The following PCDHGB2 variants were observed in gnomAD, a reference collection of about 807,000 sequenced individuals.
PCDHGB2 encodes protocadherin gamma subfamily B, 2.
In PCDHGB2, 55 loss-of-function variants were observed where a neutral mutation model predicts 59.3. That is an observed-to-expected ratio of 0.93 (90% CI 0.75 to 1.16). The LOEUF is 1.16. PCDHGB2 is among the 50% of genes most tolerant of loss of function. The pLI, the probability that PCDHGB2 is intolerant of heterozygous loss-of-function variation, is 0.00. For missense variants in PCDHGB2, 1,228 were observed against 1,198.5 expected (o/e 1.02, Z -0.36); for synonymous variants, 516 against 512.0 (o/e 1.01, Z -0.11).
chr5:141,393,137 C>T (rs777446564), intron 1 of PCDHGB2: 14 of 1,613,286 alleles, frequency 8.7e-6, no homozygotes, highest in South Asian at 2.2e-5. Context: ...ATATTAACAC[C>T]CTGGTTGAGG....
chr5:141,462,824 A>T (rs1561993844), intron 1 of PCDHGB2, among the ~76,000 whole-genome samples: 1 of 152,158 alleles, frequency 6.6e-6, no homozygotes, highest in Non-Finnish European at 1.5e-5. Flanking sequence ...TGGACAGCAG[A>T]CATTGTAAAT....
chr5:141,369,294 C>T (rs767666173), intron 1 of PCDHGB2, among the ~76,000 whole-genome samples: 37 of 152,084 alleles, frequency 2.4e-4, no homozygotes, highest in Non-Finnish European at 3.5e-4. Flanking sequence ...ATCCTAATAA[C>T]GCATCATTGT....
At position 141,487,116 on chromosome 5, in the gene PCDHGB2, A is replaced by G. The variant is rs749256818; in HGVS notation, c.2422-7691A>G. On this transcript the variant is annotated intron_variant, in intron 1 of 3. Transcript: ENST00000522605. This position sits in a 1 kb window ranked among gnomAD's most constrained non-coding sequence, Gnocchi z 5.0. ...CCACAGAAGCTGGTCATTGTGGTAA[A>G]GGATAGTGGTAGTCCACCACTCTCT... The G allele has an allele frequency of 3.1e-6, 5 of 1,614,022 alleles. No individual in the cohort carries two copies.
intron 1 of PCDHGB2, chr5:141,394,481 T>G (rs766569646): frequency 6.2e-7 from 1 of 1,614,206 alleles, no homozygotes; most frequent in African/African-American, 1.3e-5. Flanking sequence ...TGGACCAGAA[T>G]GACAACGCGC....
chr5:141,415,121 C>T (rs2095831464), intron 1 of PCDHGB2: 1 of 1,613,522 alleles, frequency 6.2e-7, no homozygotes, highest in South Asian at 1.1e-5. Context: ...CTCGTAGTGG[C>T]CGTCCAGGAC....
At chr5:141,437,426 C>G (rs531265278) in intron 1 of PCDHGB2, among the ~76,000 whole-genome samples, 2 of 152,150 alleles carry the variant, frequency 1.3e-5, no homozygotes, top group Non-Finnish European at 2.9e-5. Context: ...CTTTTTGAAG[C>G]AGCAATAGCA....
At chr5:141,371,443 C>T in intron 1 of PCDHGB2, 1 of 1,613,978 alleles carries the variant, frequency 6.2e-7, no homozygotes, top group Non-Finnish European at 8.5e-7. Flanking sequence ...ATAACCCTGG[C>T]TTCTGAATCC....
intron 1 of PCDHGB2, chr5:141,424,602 T>G (rs2154550827): frequency 6.6e-6 from 1 of 152,334 alleles, no homozygotes; most frequent in African/African-American, 2.4e-5. Flanking sequence ...GTCTACAGAT[T>G]TATTCAAATA....
At chr5:141,420,036 G>A (rs1370492350) in intron 1 of PCDHGB2, 1 of 1,614,078 alleles carries the variant, frequency 6.2e-7, no homozygotes. Flanking sequence ...GCAGGAGACT[G>A]CTTTGAGTCA....
At chr5:141,416,119 T>G (rs930613185) in intron 1 of PCDHGB2, 1 of 155,364 alleles carries the variant, frequency 6.4e-6, no homozygotes, top group Admixed American at 6.5e-5. Flanking sequence ...AACTACATTT[T>G]ATATATTTTT....
chr5:141,398,374 G>C (rs769693333), intron 1 of PCDHGB2: 3 of 1,438,680 alleles, frequency 2.1e-6, no homozygotes, highest in African/African-American at 1.4e-5. Flanking sequence ...AGAGAGCGGG[G>C]AGTTGCTTGT....
At chr5:141,380,632 T>C (rs546554559) in intron 1 of PCDHGB2, among the ~76,000 whole-genome samples, 5 of 152,324 alleles carry the variant, frequency 3.3e-5, no homozygotes, top group Non-Finnish European at 7.3e-5. Flanking sequence ...ACTTAGAAAA[T>C]GTGAATGCTA....
chr5:141,372,118 T>C (rs937548053), intron 1 of PCDHGB2: 3 of 1,613,628 alleles, frequency 1.9e-6, no homozygotes, highest in Non-Finnish European at 2.5e-6. Context: ...TCTGCGCTCT[T>C]CGATATGGTG....
intron 1 of PCDHGB2, chr5:141,419,170 C>G: frequency 6.2e-7 from 1 of 1,613,966 alleles, no homozygotes; most frequent in South Asian, 1.1e-5. Flanking sequence ...CCAGCAAAAC[C>G]ATAACCCTGC....
chr5:141,380,531 A>G (rs1197165586), intron 1 of PCDHGB2, among the ~76,000 whole-genome samples: 4 of 152,346 alleles, frequency 2.6e-5, no homozygotes, highest in African/African-American at 9.6e-5. Flanking sequence ...AATGATTTCA[A>G]TTTGATACAA....
Position 141,478,316 on chromosome 5 carries a change from C to T in PCDHGB2, c.2422-16491C>T, listed in dbSNP as rs776948755. ...CCTATACCGAGCCCCGGTGAGCTCA[C>T]TGTACCGAACACCAGGGCCCTCCTT... On this transcript the variant is annotated intron_variant, in intron 1 of 3. Coordinates refer to ENST00000522605, the MANE Select transcript of PCDHGB2 (RefSeq NM_018923.3). 120 of 1,613,924 alleles carry T rather than the reference C, an allele frequency of 7.4e-5. 2 individuals carry two copies. In the South Asian group the frequency reaches 1.3e-3, roughly 18 times the overall value.
chr5:141,402,369 A>C (rs1281295306), intron 1 of PCDHGB2, among the ~76,000 whole-genome samples: 1 of 152,066 alleles, frequency 6.6e-6, no homozygotes, highest in Non-Finnish European at 1.5e-5. Context: ...ACTTCCAAAC[A>C]AGATTGCACA....
In PCDHGB2 at chr5:141,477,891, G is replaced by T. The variant is rs750359063; in HGVS notation, c.2422-16916G>T. 10 of 1,614,066 alleles carry T rather than the reference G, an allele frequency of 6.2e-6. No individual in the cohort carries two copies. The African/African-American group carries it at 1.2e-4, about 19-fold the overall frequency. ...ACCTCAGCTGGCCACCTAGTGTCAC[G>T]GGTGGTAGGCTGGGACGCGGATGCA... is the stretch of plus-strand genomic sequence containing the variant. On this transcript the variant is annotated intron_variant, in intron 1 of 3. Coordinates refer to ENST00000522605, the MANE Select transcript of PCDHGB2 (RefSeq NM_018923.3). This position sits in a 1 kb window ranked among gnomAD's most constrained non-coding sequence, Gnocchi z 4.9.
At chr5:141,449,101 G>T (rs1020443363) in intron 1 of PCDHGB2, among the ~76,000 whole-genome samples, 3 of 152,144 alleles carry the variant, frequency 2.0e-5, no homozygotes, top group Non-Finnish European at 4.4e-5. Flanking sequence ...TACATATGCA[G>T]TATATCTTTG....
Sources: allele counts gnomAD v4.1 joint callset (sites outside exome capture counted in the v4.1 genomes callset), GRCh38; gene constraint gnomAD v4.1.1; non-coding constraint Gnocchi (gnomAD v3.1); transcripts MANE v1.5; gene names NCBI Gene and HGNC (gene_info 2026-07-23, HGNC 2026-07-21).